Variants in THOP1 observed in about 807,000 individuals in gnomAD.
THOP1 encodes thimet oligopeptidase.
In THOP1, 49 loss-of-function variants were observed where a neutral mutation model predicts 71.8. The observed-to-expected ratio is 0.68, with a 90% CI of 0.54 to 0.87. THOP1 has a LOEUF of 0.87. THOP1 is among the 40% of genes least tolerant of loss of function. THOP1 has a pLI of 0.00. For synonymous variants in THOP1, 426 were observed against 421.5 expected (o/e 1.01, Z -0.13); for missense variants, 843 against 975.6 (o/e 0.86, Z 1.81).
intron 12 of THOP1, 30 bp downstream of exon 12, chr19:2,811,764 TCC>T: frequency 6.4e-7 from 1 of 1,564,372 alleles, no homozygotes; most frequent in Non-Finnish European, 8.7e-7. Flanking sequence ...AGGGAGGGCG[TCC>T]TGAACGGCAA....
intron 5 of THOP1, among the ~76,000 whole-genome samples, chr19:2,800,645 C>A (rs899120219): frequency 2.6e-5 from 4 of 152,260 alleles, no homozygotes; most frequent in Non-Finnish European, 5.9e-5. Context: ...TGAGGGAACA[C>A]TCGCAGGTCG....
chr19:2,814,578 T>C lies in THOP1; in HGVS notation c.*1302T>C, dbSNP rs997718100. 3.9e-5 allele frequency: 6 copies of C among 152,478 alleles called. No homozygotes were observed. The highest frequency in any genetic ancestry group is 8.8e-5 in the Non-Finnish European group (6 of 68,234). 9.4% of individuals were successfully genotyped at this position (152,478 alleles called of 1,614,324 possible). A position where few individuals can be genotyped will look rare whatever the true frequency, so the allele number is the denominator to read the frequency against. On this transcript the variant is annotated 3_prime_UTR_variant, in exon 13 of 13. Coordinates refer to ENST00000307741, the MANE Select transcript of THOP1 (RefSeq NM_003249.5). Reference sequence around the variant, plus strand: ...GTCAGTGTGGCTGTGGCCACTGCCATGGGGCCTGCTTTGCACCTTACGCAC... The same window carrying C: ...GTCAGTGTGGCTGTGGCCACTGCCACGGGGCCTGCTTTGCACCTTACGCAC...
rs1916251722 is a variant in THOP1 at position 2,804,901 on chromosome 19, AG to A, written c.590-112del. The stretch of plus-strand genomic sequence containing the variant: ...GTGGCCAGGCTGCAGCTGCTCGCTG[AG>A]GGCCCCCTTGTAGCTTTCCAGGCAG... On this transcript the variant is annotated intron_variant, in intron 5 of 12. Coordinates refer to ENST00000307741, the MANE Select transcript of THOP1 (RefSeq NM_003249.5). This position sits in a 1 kb window ranked among gnomAD's most constrained non-coding sequence, Gnocchi z 4.7. 3.8e-6 allele frequency: 4 copies of A among 1,061,228 alleles called. No homozygotes were observed. The highest frequency in any genetic ancestry group is 5.3e-6 in the Non-Finnish European group (4 of 758,406). 65.7% of individuals were successfully genotyped at this position (1,061,228 alleles called of 1,614,324 possible).
chr19:2,788,465 G>T (rs1007288361), intron 1 of THOP1, among the ~76,000 whole-genome samples: 1 of 152,170 alleles, frequency 6.6e-6, no homozygotes, highest in African/African-American at 2.4e-5. Context: ...TACACCAGGA[G>T]TTGGCAAACT....
intron 4 of THOP1, among the ~76,000 whole-genome samples, chr19:2,796,715 C>A (rs1323040817): frequency 1.3e-5 from 2 of 152,014 alleles, no homozygotes; most frequent in African/African-American, 4.8e-5. Context: ...GCTTCTGTGG[C>A]CCCCTGCCCC....
chr19:2,812,925 C>T (rs771190234), intron 12 of THOP1, among the ~76,000 whole-genome samples, 190 bp from the exon 13 acceptor site: 12 of 152,180 alleles, frequency 7.9e-5, no homozygotes, highest in African/African-American at 9.7e-5. Context: ...TGCACACCCC[C>T]GCTCTGAGAT....
chr19:2,796,133 G>A lies in THOP1; in HGVS notation c.431G>A (p.Arg144Gln), dbSNP rs1467012072. ...LRPEAARYLE[R>Q]LIKLGRRNGL... Reference sequence around the variant, plus strand: ...CCCGAGGCTGCGCGGTACCTGGAGCGGCTAATCAAGCTGGGCCGGAGAAAT... The same window carrying A: ...CCCGAGGCTGCGCGGTACCTGGAGCAGCTAATCAAGCTGGGCCGGAGAAAT... The change falls in exon 4 of 13, where the codon CGG becomes CAG. Residue 144 changes from arginine (R) to glutamine (Q), a missense_variant. Transcript: ENST00000307741. 9.3e-6 allele frequency: 15 copies of A among 1,613,758 alleles called. No individual in the cohort carries two copies. The highest frequency in any genetic ancestry group is 2.7e-5 in the African/African-American group (2 of 74,908).
At chr19:2,809,585 C>G (rs112164627) in intron 9 of THOP1, 3 of 152,220 alleles carry the variant, frequency 2.0e-5, no homozygotes, top group African/African-American at 7.2e-5. Context: ...GAGGATCGAC[C>G]GTGTGTCCAC....
chr19:2,785,981 G>A (rs1915731125), intron 1 of THOP1, among the ~76,000 whole-genome samples: 2 of 152,228 alleles, frequency 1.3e-5, no homozygotes, highest in Non-Finnish European at 2.9e-5. Flanking sequence ...TGGAATTCTA[G>A]AGCCACAGAC....
Position 2,788,097 on chromosome 19 carries a change from C to T in THOP1, c.17-2324C>T, listed in dbSNP as rs893970261. ...AGGAGAGCATGGTCTGTAATAACAG[C>T]TACCTCTTGAAAACTTTCTGGTGGT... On this transcript the variant is annotated intron_variant, in intron 1 of 12. Transcript: ENST00000307741. Among the ~76,000 whole-genome samples the T allele has an allele frequency of 4.5e-4, 69 of 152,208 alleles. 1 individual carries two copies. Among genetic ancestry groups the T allele is most frequent in the Non-Finnish European group, 1.5e-5 (1 of 68,036 alleles).
chr19:2,812,969 G>A (rs1916518443), intron 12 of THOP1, 146 bp from the exon 13 acceptor site: 3 of 877,460 alleles, frequency 3.4e-6, no homozygotes, highest in Non-Finnish European at 3.5e-6. Flanking sequence ...TCCCACCTGT[G>A]CTGATGCAGG....
chr19:2,794,463 C>G (rs1039868780), intron 2 of THOP1, among the ~76,000 whole-genome samples: 1 of 152,240 alleles, frequency 6.6e-6, no homozygotes, highest in African/African-American at 2.4e-5. Flanking sequence ...GCCTCTGTTT[C>G]GTCGTACCCA....
Position 2,801,104 on chromosome 19 carries a change from A to G in THOP1, c.589+1313A>G, listed in dbSNP as rs919676403. On this transcript the variant is annotated intron_variant, in intron 5 of 12. Transcript: ENST00000307741. The surrounding 1 kb of genome is among the most constrained non-coding windows in gnomAD (Gnocchi z 5.1). ...AGAAGGTGCAGAGGTGGATTCTGGG[A>G]TTAGCAGGTGATTGTTGGAAGGAAA... Among the ~76,000 whole-genome samples the G allele has an allele frequency of 6.6e-6, 1 of 152,150 alleles. No individual in the cohort carries two copies. The highest frequency in any genetic ancestry group is 2.4e-5 in the African/African-American group (1 of 41,444).
At chr19:2,808,010 A>G in intron 8 of THOP1, 1 of 783,520 alleles carries the variant, frequency 1.3e-6, no homozygotes, top group Admixed American at 3.3e-5. Context: ...AGCCACCCCG[A>G]CAGGGCGCAG....
At chr19:2,794,329 T>A (rs1915958891) in intron 2 of THOP1, among the ~76,000 whole-genome samples, 1 of 152,170 alleles carries the variant, frequency 6.6e-6, no homozygotes, top group Non-Finnish European at 1.5e-5. Context: ...CTTATGCTTT[T>A]CTAGCCACTG....
intron 3 of THOP1, among the ~76,000 whole-genome samples, chr19:2,795,805 C>T (rs1481776698): frequency 3.3e-5 from 5 of 152,202 alleles, no homozygotes; most frequent in South Asian, 2.1e-4. Flanking sequence ...ACCCCGATAC[C>T]GACCTGGAGA....
intron 5 of THOP1, among the ~76,000 whole-genome samples, chr19:2,803,463 G>A (rs774930879): frequency 1.3e-5 from 2 of 152,158 alleles, no homozygotes; most frequent in African/African-American, 2.4e-5. Context: ...GGGCAACAGA[G>A]CAAGACCCTT....
At position 2,804,064 on chromosome 19, in the gene THOP1, A is replaced by T. The variant is rs980718916; in HGVS notation, c.590-952A>T. Reference sequence around the variant, plus strand: ...GCTCCGGATCATTCTTTCCACCCTGACTCCCCTGGGGTCGGAGTGAGCTCC... The same window carrying T: ...GCTCCGGATCATTCTTTCCACCCTGTCTCCCCTGGGGTCGGAGTGAGCTCC... On this transcript the variant is annotated intron_variant, in intron 5 of 12. Coordinates refer to ENST00000307741, the MANE Select transcript of THOP1 (RefSeq NM_003249.5). This position sits in a 1 kb window ranked among gnomAD's most constrained non-coding sequence, Gnocchi z 4.7. Among the ~76,000 whole-genome samples the T allele has an allele frequency of 2.0e-5, 3 of 147,816 alleles. No individual in the cohort carries two copies. Among genetic ancestry groups the T allele is most frequent in the Non-Finnish European group, 3.0e-5 (2 of 66,790 alleles).
rs1252255674 is a variant in THOP1, at chr19:2,813,645, C to T, written c.*369C>T. 3.8e-5 allele frequency: 7 copies of T among 185,242 alleles called. No homozygotes were observed. The highest frequency in any genetic ancestry group is 1.4e-4 in the African/African-American group (6 of 42,158). 11.5% of individuals were successfully genotyped at this position (185,242 alleles called of 1,614,324 possible). On this transcript the variant is annotated 3_prime_UTR_variant, in exon 13 of 13. Coordinates refer to ENST00000307741, the MANE Select transcript of THOP1 (RefSeq NM_003249.5). ...CACTGGCTCCTGCGCTTTTTTGGTC[C>T]GAGGACGGTGGGACGGCGGGTCAGG...
Sources: allele counts gnomAD v4.1 joint callset (sites outside exome capture counted in the v4.1 genomes callset), GRCh38; gene constraint gnomAD v4.1.1; non-coding constraint Gnocchi (gnomAD v3.1); transcripts MANE v1.5; gene names NCBI Gene and HGNC (gene_info 2026-07-23, HGNC 2026-07-21).